The following FYN variants were observed in gnomAD, a reference collection of about 807,000 sequenced individuals.
FYN encodes the protein FYN proto-oncogene, Src family tyrosine kinase.
A neutral mutation model predicts 70.2 loss-of-function variants in FYN; 10 were observed. The ratio of observed to expected loss-of-function variants is 0.14; its 90% CI spans 0.09 to 0.24. The LOEUF (loss-of-function observed/expected upper bound fraction) is 0.24. Ranked by LOEUF, FYN falls within the 10% of genes least tolerant of loss-of-function variation. The pLI is 1.00. For synonymous variants in FYN, 236 were observed against 248.6 expected (o/e 0.95, Z 0.48); for missense variants, 319 against 673.1 (o/e 0.47, Z 5.82).
At chr6:111,766,634 T>C (rs1803238556) in intron 3 of FYN, among the ~76,000 whole-genome samples, 1 of 152,152 alleles carries the variant, frequency 6.6e-6, no homozygotes, top group African/African-American at 2.4e-5. Context: ...CTTACAATCA[T>C]GGCAGAAGGG....
intron 3 of FYN, among the ~76,000 whole-genome samples, chr6:111,720,725 A>G (rs1461309907): frequency 6.6e-6 from 1 of 152,214 alleles, no homozygotes; most frequent in African/African-American, 2.4e-5. Context: ...CAGTAATGAA[A>G]TCACTTAAAG....
intron 1 of FYN, among the ~76,000 whole-genome samples, chr6:111,852,784 T>C (rs1451075457): frequency 6.6e-6 from 1 of 152,198 alleles, no homozygotes; most frequent in Admixed American, 6.5e-5. Context: ...CATTTTACAC[T>C]GTGCCATTTC....
At chr6:111,748,320 T>C (rs1350004533) in intron 3 of FYN, among the ~76,000 whole-genome samples, 1 of 152,230 alleles carries the variant, frequency 6.6e-6, no homozygotes, top group African/African-American at 2.4e-5. Context: ...AAGGGAACTT[T>C]TGACATTAAG....
intron 2 of FYN, among the ~76,000 whole-genome samples, chr6:111,839,282 C>A (rs1175143876): frequency 6.6e-6 from 1 of 152,140 alleles, no homozygotes. Context: ...TGTTTGTTCT[C>A]TAGATCCCTA....
chr6:111,756,675 T>TA (rs1263616470), intron 3 of FYN, among the ~76,000 whole-genome samples: 1 of 152,188 alleles, frequency 6.6e-6, no homozygotes, highest in Non-Finnish European at 1.5e-5. Context: ...AAAAAATGGA[T>TA]GACAATAATT....
intron 2 of FYN, among the ~76,000 whole-genome samples, chr6:111,817,289 A>T (rs1269169351): frequency 1.3e-5 from 2 of 152,102 alleles, no homozygotes; most frequent in Admixed American, 6.6e-5. Context: ...TATTCTTTAA[A>T]TTTTTATCCC....
At chr6:111,778,600 G>A (rs575586213) in intron 3 of FYN, among the ~76,000 whole-genome samples, 110 of 147,790 alleles carry the variant, frequency 7.4e-4, no homozygotes, top group African/African-American at 2.6e-3. Context: ...ATGGCGTCTC[G>A]CTGTGTCACC....
At chr6:111,780,130 G>A (rs566899561) in intron 3 of FYN, among the ~76,000 whole-genome samples, 4 of 152,226 alleles carry the variant, frequency 2.6e-5, no homozygotes, top group African/African-American at 9.6e-5. Flanking sequence ...CAGGCAAGCT[G>A]GACTTGTAGC....
At chr6:111,740,022 C>A (rs959514362) in intron 3 of FYN, among the ~76,000 whole-genome samples, 22 of 151,852 alleles carry the variant, frequency 1.4e-4, no homozygotes, top group African/African-American at 5.3e-4. Flanking sequence ...TGGGGTTTCA[C>A]CATGTTGGCC....
chr6:111,672,256 T>C (rs1405316364), intron 13 of FYN, among the ~76,000 whole-genome samples: 1 of 152,100 alleles, frequency 6.6e-6, no homozygotes, highest in Non-Finnish European at 1.5e-5. Context: ...GGAAACCTAC[T>C]TGGCTTCCAA....
At chr6:111,726,753 T>C (rs138061278) in intron 3 of FYN, among the ~76,000 whole-genome samples, 62 of 152,338 alleles carry the variant, frequency 4.1e-4, no homozygotes, top group African/African-American at 1.4e-3. Flanking sequence ...CCTCAAATTG[T>C]AATCCCTATA....
rs1192560811 is a variant in FYN at position 111,702,865 on chromosome 6, G to A, written c.697+20C>T. On this transcript the variant is annotated intron_variant, in intron 8 of 13. Transcript: ENST00000354650. ...CCTCCAGCATCCAAATGGTTAGTAG[G>A]TAGTTAGAATTAAGGTTACCTGAGT... 2 of 1,611,966 alleles carry A rather than the reference G, an allele frequency of 1.2e-6. No homozygotes were observed. Among genetic ancestry groups the A allele is most frequent in the East Asian group, 4.5e-5 (2 of 44,870 alleles).
intron 1 of FYN, among the ~76,000 whole-genome samples, chr6:111,855,919 T>C (rs939103935): frequency 1.3e-5 from 2 of 152,256 alleles, no homozygotes; most frequent in African/African-American, 2.4e-5. Context: ...CAAGATTTAA[T>C]TCTGAAATTC....
At chr6:111,703,531 G>A (rs1378210586) in intron 7 of FYN, among the ~76,000 whole-genome samples, 1 of 152,140 alleles carries the variant, frequency 6.6e-6, no homozygotes, top group Non-Finnish European at 1.5e-5. Context: ...TTAAGCTAGA[G>A]GCCACTACTC....
At position 111,728,743 on chromosome 6, in the gene FYN, A is replaced by G. The variant is rs117113760; in HGVS notation, c.-11-8681T>C. Reference sequence around the variant, plus strand: ...TATACCAGATGTTGTTTATCTATTCATCAACTGATGGACATTTGGGTTTTT... The same window carrying G: ...TATACCAGATGTTGTTTATCTATTCGTCAACTGATGGACATTTGGGTTTTT... On this transcript the variant is annotated intron_variant, in intron 3 of 13. Coordinates refer to ENST00000354650, the MANE Select transcript of FYN (RefSeq NM_002037.5). Among the ~76,000 whole-genome samples the G allele has an allele frequency of 5.3e-5, 8 of 152,334 alleles. No individual in the cohort carries two copies. In the East Asian group the frequency reaches 1.5e-3, roughly 29 times the overall value.
intron 3 of FYN, among the ~76,000 whole-genome samples, chr6:111,757,443 T>C (rs146621824): frequency 7.9e-4 from 121 of 152,304 alleles, no homozygotes; most frequent in African/African-American, 2.8e-3. Context: ...AAATGAGGCG[T>C]TGTAGATGGG....
chr6:111,691,258 T>C (rs923617316), intron 12 of FYN, among the ~76,000 whole-genome samples: 18 of 152,184 alleles, frequency 1.2e-4, no homozygotes, highest in African/African-American at 3.9e-4. Flanking sequence ...CACACTCCAA[T>C]TCTGCTTGTG....
chr6:111,801,671 A>G (rs766581530), intron 2 of FYN, among the ~76,000 whole-genome samples: 3 of 152,230 alleles, frequency 2.0e-5, no homozygotes, highest in Non-Finnish European at 4.4e-5. Context: ...CACTTATAAA[A>G]GTAGCAAGTG....
chr6:111,701,346 G>C (rs371867349), intron 8 of FYN, among the ~76,000 whole-genome samples: 2 of 152,268 alleles, frequency 1.3e-5, no homozygotes, highest in East Asian at 3.9e-4. Flanking sequence ...CAGACCTCCC[G>C]CTCCCTCCTG....
Sources: gnomAD v4.1 joint callset for allele counts (sites outside exome capture counted in the v4.1 genomes callset) on GRCh38, gnomAD v4.1.1 for gene constraint, MANE v1.5 for transcripts, NCBI Gene and HGNC (gene_info 2026-07-23, HGNC 2026-07-21) for gene names.